Variants in ADAM23 observed in about 807,000 individuals in gnomAD.
ADAM23 encodes the protein ADAM metallopeptidase domain 23.
A neutral mutation model predicts 120.1 loss-of-function variants in ADAM23; 33 were observed. The observed-to-expected ratio is 0.27, with a 90% CI of 0.21 to 0.37. The LOEUF (loss-of-function observed/expected upper bound fraction) is 0.37, where lower values mean the gene tolerates loss of function less well. ADAM23 is among the 10% of genes least tolerant of loss of function. The probability of loss-of-function intolerance (pLI) is 1.00; values close to 1 mark genes in which losing one functional copy is unlikely to be tolerated. For missense variants in ADAM23, 862 were observed against 1,058.2 expected (o/e 0.81, Z 2.57); for synonymous variants, 367 against 375.2 (o/e 0.98, Z 0.25).
chr2:206,458,511 G>A (rs553730890), intron 2 of ADAM23, among the ~76,000 whole-genome samples: 12 of 152,326 alleles, frequency 7.9e-5, no homozygotes, highest in African/African-American at 2.9e-4. Flanking sequence ...ATGTCTCAGA[G>A]GCTGCAAGCC....
At chr2:206,513,483 GCT>G (rs1696668988) in intron 3 of ADAM23, among the ~76,000 whole-genome samples, 2 of 152,150 alleles carry the variant, frequency 1.3e-5, no homozygotes, top group African/African-American at 4.8e-5. Context: ...AGATGAAAAA[GCT>G]GCAGAAGAAA....
At chr2:206,456,411 G>A (rs935850553) in intron 2 of ADAM23, among the ~76,000 whole-genome samples, 10 of 150,898 alleles carry the variant, frequency 6.6e-5, no homozygotes, top group African/African-American at 1.2e-4. Flanking sequence ...TGAGATTTGC[G>A]TAGGGACATA....
chr2:206,464,706 T>G (rs1236690344), intron 2 of ADAM23, among the ~76,000 whole-genome samples: 1 of 152,176 alleles, frequency 6.6e-6, no homozygotes, highest in East Asian at 1.9e-4. Context: ...TGCTCCCCGC[T>G]GCCAACACTC....
intron 2 of ADAM23, among the ~76,000 whole-genome samples, chr2:206,455,975 C>T (rs531066796): frequency 6.6e-6 from 1 of 152,330 alleles, no homozygotes; most frequent in South Asian, 2.1e-4. Flanking sequence ...GTTCCAACCT[C>T]CGCCTGTTAC....
intron 3 of ADAM23, among the ~76,000 whole-genome samples, chr2:206,503,821 C>T (rs1696438928): frequency 6.6e-6 from 1 of 152,108 alleles, no homozygotes; most frequent in Admixed American, 6.6e-5. Context: ...TTTTGCTATT[C>T]ATGGAAGCAT....
At chr2:206,510,158 A>C (rs1434337112) in intron 3 of ADAM23, among the ~76,000 whole-genome samples, 8 of 152,236 alleles carry the variant, frequency 5.3e-5, no homozygotes, top group African/African-American at 1.9e-4. Flanking sequence ...ATTAGGAGGA[A>C]TTATACGTGG....
intron 3 of ADAM23, among the ~76,000 whole-genome samples, chr2:206,490,409 G>A (rs1696108153): frequency 6.6e-6 from 1 of 152,182 alleles, no homozygotes; most frequent in African/African-American, 2.4e-5. Context: ...GCTTGTTAAT[G>A]GGTAAAACTG....
intron 19 of ADAM23, 36 bp from the exon 20 acceptor site, chr2:206,588,055 A>G: frequency 6.2e-7 from 1 of 1,610,926 alleles, no homozygotes; most frequent in Non-Finnish European, 8.5e-7. Context: ...AGACAAACTG[A>G]CTCTGTGTGC....
chr2:206,559,869 C>G (rs1697725128), intron 10 of ADAM23, 86 bp from the exon 11 acceptor site: 2 of 1,232,082 alleles, frequency 1.6e-6, no homozygotes, highest in East Asian at 4.7e-5. Context: ...CTCCCCCTTC[C>G]TGTCCTTCCA....
chr2:206,587,273 T>C (rs987957527), intron 18 of ADAM23, 52 bp from the exon 19 acceptor site: 29 of 1,381,846 alleles, frequency 2.1e-5, no homozygotes, highest in Non-Finnish European at 2.7e-5. Flanking sequence ...ATGTACATTA[T>C]CTGAAGGTAC....
At chr2:206,598,512 A>G (rs1698573489) in intron 24 of ADAM23, among the ~76,000 whole-genome samples, 1 of 152,250 alleles carries the variant, frequency 6.6e-6, no homozygotes, top group Non-Finnish European at 1.5e-5. Flanking sequence ...TACCTTTAAA[A>G]AAAAATAACT....
chr2:206,455,867 ATATCAC>A (rs1695287351), intron 2 of ADAM23, among the ~76,000 whole-genome samples: 1 of 152,172 alleles, frequency 6.6e-6, no homozygotes, highest in African/African-American at 2.4e-5. Flanking sequence ...TTTGCTGTCC[ATATCAC>A]TATCAGCATT....
intron 16 of ADAM23, among the ~76,000 whole-genome samples, chr2:206,571,465 A>G (rs1157921582): frequency 6.6e-6 from 1 of 151,766 alleles, no homozygotes; most frequent in Non-Finnish European, 1.5e-5. Flanking sequence ...AAAGAGCAAG[A>G]CTCCGTCTCA....
chr2:206,598,053 A>G (rs1698563653), intron 24 of ADAM23, among the ~76,000 whole-genome samples: 1 of 152,194 alleles, frequency 6.6e-6, no homozygotes, highest in African/African-American at 2.4e-5. Context: ...CTAAAAGGGA[A>G]CGTATTCCAC....
intron 18 of ADAM23, among the ~76,000 whole-genome samples, chr2:206,585,704 G>T (rs1309971445): frequency 1.3e-5 from 2 of 152,114 alleles, no homozygotes; most frequent in Non-Finnish European, 2.9e-5. Context: ...TAGGGCAGCA[G>T]TAAGGAACAA....
rs1325199639 is a variant in ADAM23 at position 206,507,617 on chromosome 2, G to T, written c.510-23268G>T. 3.3e-5 allele frequency among the ~76,000 whole-genome samples: 5 copies of T among 152,166 alleles called. 1 individual carries two copies. Among genetic ancestry groups the T allele is most frequent in the Admixed American group, 1.3e-4 (2 of 15,278 alleles). Reference sequence around the variant, plus strand: ...GGCTCAGGTATTTCTTTATAGCAATGCGAGAAAGTACTAATACAGTAGGAT... The same window carrying T: ...GGCTCAGGTATTTCTTTATAGCAATTCGAGAAAGTACTAATACAGTAGGAT... On this transcript the variant is annotated intron_variant, in intron 3 of 25. Transcript: ENST00000264377.
intron 2 of ADAM23, among the ~76,000 whole-genome samples, chr2:206,473,599 T>TAATAATAATAATAATAATAATAAC (rs545339986): frequency 1.2e-4 from 18 of 148,554 alleles, no homozygotes; most frequent in East Asian, 2.0e-4. Flanking sequence ...ATAATAATAA[T>TAATAATAATAATAATAATAATAAC]AACAACAACA....
rs549880098 is a variant in ADAM23 at position 206,620,971 on chromosome 2, ATTTTCAAGTGCTTTGTAAT to A, written c.*3349_*3367del. 6.6e-5 allele frequency: 10 copies of A among 152,206 alleles called. No homozygotes were observed. The highest frequency in any genetic ancestry group is 1.2e-4 in the Non-Finnish European group (8 of 68,002). The allele number at this position is 152,206 out of a possible 1,614,324, so 9.4% of individuals were successfully genotyped here. A position where few individuals can be genotyped will look rare whatever the true frequency, so the allele number is the denominator to read the frequency against. The stretch of plus-strand genomic sequence containing the variant: ...ATTGTTGCTTCCATTGTTAGTTTCC[ATTTTCAAGTGCTTTGTAAT>A]TTTTTAAGTGCACTACCTGAAATTT... On this transcript the variant is annotated 3_prime_UTR_variant, in exon 26 of 26. Transcript: ENST00000264377.
At chr2:206,520,941 C>T (rs758079520) in intron 3 of ADAM23, among the ~76,000 whole-genome samples, 7 of 151,944 alleles carry the variant, frequency 4.6e-5, no homozygotes, top group Non-Finnish European at 2.9e-5. Flanking sequence ...TAGCTTTTCC[C>T]TGAATAGGCC....
Sources: allele counts gnomAD v4.1 joint callset (sites outside exome capture counted in the v4.1 genomes callset), GRCh38; gene constraint gnomAD v4.1.1; transcripts MANE v1.5; gene names NCBI Gene and HGNC (gene_info 2026-07-23, HGNC 2026-07-21).